The following AGPAT5 variants were observed in gnomAD, a reference collection of about 807,000 sequenced individuals.
AGPAT5 encodes the protein 1-acyl-sn-glycerol-3-phosphate acyltransferase epsilon.
AGPAT5 carries 46 observed loss-of-function variants against 45.6 expected under a neutral mutation model. The ratio of observed to expected loss-of-function variants is 1.01; its 90% confidence interval spans 0.80 to 1.29. The LOEUF (loss-of-function observed/expected upper bound fraction) is 1.29, where lower values mean the gene tolerates loss of function less well. AGPAT5 is among the 50% of genes most tolerant of loss of function. AGPAT5 has a pLI of 0.00. For synonymous variants in AGPAT5, 272 were observed against 167.0 expected (o/e 1.63, Z -4.85); for missense variants, 673 against 450.7 (o/e 1.49, Z -4.47).
At chr8:6,709,592 T>C (rs1337642642) in intron 1 of AGPAT5, 5 of 152,218 alleles carry the variant, frequency 3.3e-5, no homozygotes, top group Admixed American at 3.3e-4. Flanking sequence ...ATTTTTCTTT[T>C]ATTTCTCAGT....
chr8:6,749,889 C>G (rs1240458649), intron 6 of AGPAT5, among the ~76,000 whole-genome samples: 1 of 152,258 alleles, frequency 6.6e-6, no homozygotes, highest in Admixed American at 6.5e-5. Flanking sequence ...AGGCCAGCCT[C>G]TGTTGCCTGC....
At chr8:6,734,705 A>G (rs1800984364) in intron 4 of AGPAT5, among the ~76,000 whole-genome samples, 1 of 152,096 alleles carries the variant, frequency 6.6e-6, no homozygotes, top group Admixed American at 6.5e-5. Flanking sequence ...AGACAGGAGA[A>G]ATGGAGGCAA....
At chr8:6,719,106 C>T (rs1383414169) in intron 1 of AGPAT5, among the ~76,000 whole-genome samples, 1 of 152,184 alleles carries the variant, frequency 6.6e-6, no homozygotes, top group Non-Finnish European at 1.5e-5. Context: ...TTGCATAAAT[C>T]TGGAGAAAGA....
At chr8:6,721,893 G>C (rs776801834) in intron 1 of AGPAT5, among the ~76,000 whole-genome samples, 2 of 152,044 alleles carry the variant, frequency 1.3e-5, no homozygotes, top group Admixed American at 6.6e-5. Context: ...GGGTCTTGCT[G>C]TGTTGCCAGG....
chr8:6,735,457 C>T (rs1385852855), intron 4 of AGPAT5, among the ~76,000 whole-genome samples: 1 of 152,128 alleles, frequency 6.6e-6, no homozygotes, highest in African/African-American at 2.4e-5. Flanking sequence ...CCCAGGGGTT[C>T]GTCTGTTCCA....
At chr8:6,718,593 GC>G (rs1197349538) in intron 1 of AGPAT5, among the ~76,000 whole-genome samples, 2 of 152,170 alleles carry the variant, frequency 1.3e-5, no homozygotes, top group African/African-American at 4.8e-5. Flanking sequence ...ATTTTACTGG[GC>G]AAGACTATGT....
rs756764427 is a variant in AGPAT5, at chr8:6,708,734, G to A, written c.66G>A (p.Leu22=). 3.1e-6 allele frequency: 5 copies of A among 1,607,478 alleles called. No homozygotes were observed. In the East Asian group the frequency reaches 1.1e-4, roughly 36 times the overall value. ...MRYLLPSVVL[L]GTAPTYVLAW... is the part of the protein sequence containing the mutation. ...ACCTGCTGCCCAGCGTCGTGCTCCT[G>A]GGCACGGCGCCCACCTACGTGTTGG... The change falls in exon 1 of 8, where the codon CTG becomes CTA. Residue 22 remains leucine, a synonymous_variant. Transcript: ENST00000285518.
At chr8:6,748,855 C>T (rs898341989) in intron 6 of AGPAT5, among the ~76,000 whole-genome samples, 4 of 152,088 alleles carry the variant, frequency 2.6e-5, no homozygotes, top group Non-Finnish European at 5.9e-5. Flanking sequence ...CTACTGAGGG[C>T]AGATGTTCAA....
intron 1 of AGPAT5, among the ~76,000 whole-genome samples, chr8:6,721,865 T>C (rs1363088427): frequency 6.6e-6 from 1 of 152,134 alleles, no homozygotes; most frequent in Non-Finnish European, 1.5e-5. Context: ...TATTTTTATC[T>C]TTATTTTAAA....
chr8:6,728,683 G>A (rs1475255712), intron 2 of AGPAT5, among the ~76,000 whole-genome samples: 4 of 152,080 alleles, frequency 2.6e-5, no homozygotes, highest in African/African-American at 9.7e-5. Flanking sequence ...AACTTTGTAC[G>A]CCAACTATAT....
chr8:6,719,179 A>G (rs1340642639), intron 1 of AGPAT5, among the ~76,000 whole-genome samples: 1 of 152,254 alleles, frequency 6.6e-6, no homozygotes, highest in Non-Finnish European at 1.5e-5. Flanking sequence ...CAAGTTTAGA[A>G]CATCACATAT....
chr8:6,720,944 C>T (rs1375826853), intron 1 of AGPAT5, among the ~76,000 whole-genome samples: 2 of 152,192 alleles, frequency 1.3e-5, no homozygotes, highest in African/African-American at 4.8e-5. Flanking sequence ...ATGGTCCAAA[C>T]ACCTAGTCAT....
chr8:6,747,493 A>G (rs1315543007), intron 5 of AGPAT5, among the ~76,000 whole-genome samples, 177 bp from the exon 6 acceptor site: 1 of 152,252 alleles, frequency 6.6e-6, no homozygotes, highest in Non-Finnish European at 1.5e-5. Flanking sequence ...ATTGATTTAA[A>G]CAGAAAAAGG....
At chr8:6,752,958 G>A (rs1801706469) in intron 6 of AGPAT5, among the ~76,000 whole-genome samples, 1 of 152,084 alleles carries the variant, frequency 6.6e-6, no homozygotes, top group East Asian at 1.9e-4. Context: ...TTAGGGACTT[G>A]GCTGTTATAG....
At chr8:6,723,732 G>C (rs1800586594) in intron 1 of AGPAT5, among the ~76,000 whole-genome samples, 1 of 152,200 alleles carries the variant, frequency 6.6e-6, no homozygotes, top group Non-Finnish European at 1.5e-5. Flanking sequence ...ATAGCACTGT[G>C]CAGTTTCTAA....
chr8:6,745,981 C>A (rs1801439524), intron 5 of AGPAT5: 1 of 151,474 alleles, frequency 6.6e-6, no homozygotes, highest in Non-Finnish European at 1.5e-5. Context: ...CTCTCTCTCC[C>A]TTCCTTCTTT....
intron 4 of AGPAT5, 92 bp downstream of exon 4, chr8:6,732,742 A>G: frequency 8.8e-7 from 1 of 1,139,418 alleles, no homozygotes; most frequent in Non-Finnish European, 1.2e-6. Context: ...TTGACAATGT[A>G]TTTTCCCATG....
At chr8:6,727,916 C>T (rs539036217) in intron 2 of AGPAT5, among the ~76,000 whole-genome samples, 1 of 152,180 alleles carries the variant, frequency 6.6e-6, no homozygotes, top group Non-Finnish European at 1.5e-5. Flanking sequence ...AGTGATAGCT[C>T]CTTTCAGGCA....
chr8:6,729,286 C>G (rs1164223102), intron 2 of AGPAT5, among the ~76,000 whole-genome samples: 4 of 151,204 alleles, frequency 2.6e-5, no homozygotes, highest in African/African-American at 9.7e-5. Context: ...GAAAACTGTC[C>G]TCTTTGGCTA....
Sources: gnomAD v4.1 joint callset for allele counts (sites outside exome capture counted in the v4.1 genomes callset) on GRCh38, gnomAD v4.1.1 for gene constraint, MANE v1.5 for transcripts, NCBI Gene and HGNC (gene_info 2026-07-23, HGNC 2026-07-21) for gene names.